Variants in ZNF644 observed in about 807,000 individuals in gnomAD.
ZNF644 encodes the protein zinc finger protein 644, also known as zinc finger motif enhancer binding protein 2.
A neutral mutation model predicts 108.0 loss-of-function variants in ZNF644; 20 were observed. That is an observed-to-expected ratio of 0.19 (90% CI 0.13 to 0.27). The LOEUF (loss-of-function observed/expected upper bound fraction) is 0.27, where lower values mean the gene tolerates loss of function less well. Among genes scored for constraint, ZNF644 ranks in the 10% least tolerant of loss-of-function variants. The probability of loss-of-function intolerance (pLI) is 1.00; values close to 1 mark genes in which losing one functional copy is unlikely to be tolerated. For missense variants in ZNF644, 1,338 were observed against 1,548.9 expected, an observed-to-expected ratio of 0.86 and a Z score of 2.29; for synonymous variants, 542 against 539.1, an observed-to-expected ratio of 1.01 and a Z score of -0.08.
At chr1:90,918,386 C>CAGA in intron 4 of ZNF644, 1 of 485,394 alleles carries the variant, frequency 2.1e-6, no homozygotes, top group Non-Finnish European at 3.7e-6. Context: ...TGTATTCTTC[C>CAGA]TATACTGCCT....
intron 2 of ZNF644, among the ~76,000 whole-genome samples, chr1:90,971,982 T>C (rs1361084393): frequency 6.6e-6 from 1 of 152,140 alleles, no homozygotes; most frequent in Non-Finnish European, 1.5e-5. Flanking sequence ...CAATGAAACA[T>C]GCAAGTAAGC....
intron 1 of ZNF644, among the ~76,000 whole-genome samples, chr1:91,006,672 C>T (rs1481788713): frequency 1.3e-5 from 2 of 152,050 alleles, no homozygotes; most frequent in Non-Finnish European, 2.9e-5. Flanking sequence ...CTTCAACCTC[C>T]TATCCCAAGC....
intron 2 of ZNF644, among the ~76,000 whole-genome samples, chr1:90,978,077 T>C (rs1202870128): frequency 1.3e-5 from 2 of 152,134 alleles, no homozygotes; most frequent in East Asian, 1.9e-4. Context: ...TGTGGCCAGG[T>C]GCAGTGGCTC....
At position 90,940,759 on chromosome 1, in the gene ZNF644, A is replaced by G; in HGVS notation, c.595T>C (p.Ser199Pro). The G allele has an allele frequency of 1.2e-6, 2 of 1,613,978 alleles. No homozygotes were observed. The highest frequency in any genetic ancestry group is 1.7e-6 in the Non-Finnish European group (2 of 1,179,984). Residue 199 changes from serine (S) to proline (P), a missense_variant, in exon 3 of 6, where the codon TCA becomes CCA. Coordinates refer to ENST00000337393, the MANE Select transcript of ZNF644 (RefSeq NM_201269.3). ...HSNKKLPTSA[S>P]VGCDIQNSVG... ...GAATTCTGAATGTCACAACCAACTG[A>G]AGCAGAGGTAGGTAGTTTTTTATTG...
intron 1 of ZNF644, among the ~76,000 whole-genome samples, chr1:91,003,782 A>C (rs919958698): frequency 6.6e-6 from 1 of 152,218 alleles, no homozygotes; most frequent in East Asian, 1.9e-4. Context: ...ACCCAGACAT[A>C]GGACTGACTA....
Position 90,940,347 on chromosome 1 carries a change from TCTA to T in ZNF644, c.1004_1006del (p.Val335del). On this transcript the variant is annotated inframe_deletion, in exon 3 of 6. Transcript: ENST00000337393. ...TTTTGATAATGCATATTTCTGTGAGTCTACTGCTTGTAGCTCTTCATTTTGTTC... is the reference window on the plus strand; with the variant it reads ...TTTTGATAATGCATATTTCTGTGAGTCTGCTTGTAGCTCTTCATTTTGTTC... 1.9e-6 allele frequency: 3 copies of T among 1,613,834 alleles called. No individual in the cohort carries two copies. The highest frequency in any genetic ancestry group is 1.7e-6 in the Non-Finnish European group (2 of 1,179,964).
chr1:90,951,357 C>T (rs1653144736), intron 2 of ZNF644, among the ~76,000 whole-genome samples: 1 of 152,166 alleles, frequency 6.6e-6, no homozygotes, highest in Non-Finnish European at 1.5e-5. Flanking sequence ...TACCTAGTAA[C>T]CCTTTGACTT....
At chr1:90,966,297 C>A (rs1654876152) in intron 2 of ZNF644, among the ~76,000 whole-genome samples, 1 of 152,138 alleles carries the variant, frequency 6.6e-6, no homozygotes, top group African/African-American at 2.4e-5. Flanking sequence ...AGTACTAACA[C>A]CTGATACATT....
intron 2 of ZNF644, among the ~76,000 whole-genome samples, chr1:90,971,810 G>C (rs1286770057): frequency 1.3e-5 from 2 of 152,142 alleles, no homozygotes; most frequent in Admixed American, 1.3e-4. Flanking sequence ...AGGAGAGAGG[G>C]AGTCTGACTG....
At chr1:90,921,434 C>A (rs912720690) in intron 4 of ZNF644, among the ~76,000 whole-genome samples, 10 of 151,894 alleles carry the variant, frequency 6.6e-5, no homozygotes, top group Admixed American at 5.2e-4. Context: ...AAACAAAAAA[C>A]CCACACACTC....
Position 90,937,826 on chromosome 1 carries a change from T to C in ZNF644, c.3347A>G (p.Asp1116Gly). ...AGGTATAACATTTTGAGATATAAAGTCATCACTTGATGCAAGTTTTTGAGC... is the reference window on the plus strand; with the variant it reads ...AGGTATAACATTTTGAGATATAAAGCCATCACTTGATGCAAGTTTTTGAGC... ...FVAQKLASSD[D>G]FISQNVIPLE... The change falls in exon 4 of 6, where the codon GAC becomes GGC. Residue 1116 changes from aspartate (D) to glycine (G), a missense_variant. Physicochemically the swap from Asp to Gly is moderately conservative, Grantham distance 94. Around this residue, in one of 6 missense-constraint regions of ZNF644, gnomAD observed 287 missense variants for 310.9 expected, o/e 0.92. Coordinates refer to ENST00000337393, the MANE Select transcript of ZNF644 (RefSeq NM_201269.3). 1 of 1,613,920 alleles carries C rather than the reference T, an allele frequency of 6.2e-7. No individual in the cohort carries two copies. The highest frequency in any genetic ancestry group is 1.1e-5 in the South Asian group (1 of 91,082).
At chr1:90,926,850 C>A (rs535874798) in intron 4 of ZNF644, among the ~76,000 whole-genome samples, 157 of 152,258 alleles carry the variant, frequency 1.0e-3, no homozygotes, top group African/African-American at 3.5e-3. Context: ...TCCTCTCTGC[C>A]AAATCCTTTA....
At chr1:91,017,878 C>T (rs1660568406) in intron 1 of ZNF644, among the ~76,000 whole-genome samples, 1 of 152,172 alleles carries the variant, frequency 6.6e-6, no homozygotes, top group Non-Finnish European at 1.5e-5. Flanking sequence ...AGGAGAATCA[C>T]TTGAACCTGA....
Position 90,938,798 on chromosome 1 carries a change from A to T in ZNF644, c.2556T>A (p.Ser852Arg). The part of the protein sequence containing the change: ...QKLNSAEKKD[S>R]YETEDESSWD... ...AGGAACTTTCATCTTCTGTTTCATA[A>T]CTATCTTTCTTTTCAGCAGAATTAA... The change falls in exon 3 of 6, where the codon AGT (serine) becomes AGA (arginine). Residue 852 changes from serine (S) to arginine (R), a missense_variant. Around this residue, in one of 6 missense-constraint regions of ZNF644, gnomAD observed 462 missense variants for 472.6 expected, o/e 0.98. Transcript: ENST00000337393. This position sits in a 1 kb window ranked among gnomAD's most constrained non-coding sequence, Gnocchi z 4.2. The T allele has an allele frequency of 6.2e-7, 1 of 1,613,828 alleles. No homozygotes were observed. The highest frequency in any genetic ancestry group is 8.5e-7 in the Non-Finnish European group (1 of 1,179,922).
intron 5 of ZNF644, 138 bp from the exon 6 acceptor site, chr1:90,917,128 AT>A (rs1648861624): frequency 1.1e-6 from 1 of 893,368 alleles, no homozygotes; most frequent in Admixed American, 2.5e-5. Flanking sequence ...AAGTCAAATG[AT>A]TTAATAAAAC....
At chr1:90,930,184 G>A (rs1309280908) in intron 4 of ZNF644, among the ~76,000 whole-genome samples, 1 of 152,150 alleles carries the variant, frequency 6.6e-6, no homozygotes, top group Non-Finnish European at 1.5e-5. Flanking sequence ...TACTCAGGAG[G>A]CTGAGCCAGG....
In ZNF644 at chr1:90,938,042, C is replaced by T; in HGVS notation, c.3131G>A (p.Gly1044Asp). 1.2e-6 allele frequency: 2 copies of T among 1,610,680 alleles called. No homozygotes were observed. The highest frequency in any genetic ancestry group is 1.7e-6 in the Non-Finnish European group (2 of 1,179,812). The stretch of plus-strand genomic sequence containing the variant: ...TCCAATTTTAGTATCAAACCAACCA[C>T]CACAGAGCTGACAAGTGTGTTCAGA... ...TTSEHTCQLC[G>D]GWFDTKIGLS... is the part of the protein sequence containing the mutation. Residue 1044 changes from glycine to aspartate, a missense_variant, in exon 4 of 6, where the codon GGT becomes GAT. Transcript: ENST00000337393. The surrounding 1 kb of genome is among the most constrained non-coding windows in gnomAD (Gnocchi z 4.2).
chr1:90,991,152 T>C (rs185973968), intron 1 of ZNF644, among the ~76,000 whole-genome samples: 31 of 152,248 alleles, frequency 2.0e-4, no homozygotes, highest in Non-Finnish European at 3.7e-4. Flanking sequence ...TCGGCAACAA[T>C]ACATGAATGA....
chr1:90,982,438 A>G, intron 1 of ZNF644, 68 bp from the exon 2 acceptor site: 1 of 981,066 alleles, frequency 1.0e-6, no homozygotes, highest in Admixed American at 1.8e-5. Context: ...CATAGCTACA[A>G]TACACTATTA....
Sources: gnomAD v4.1 joint callset for allele counts (sites outside exome capture counted in the v4.1 genomes callset) on GRCh38, gnomAD v4.1.1 for gene constraint, gnomAD v4.1.1 regional missense constraint, Gnocchi (gnomAD v3.1) non-coding constraint, MANE v1.5 for transcripts, NCBI Gene and HGNC (gene_info 2026-07-23, HGNC 2026-07-21) for gene names.